Variants in P3H3 observed in about 807,000 individuals in gnomAD.
The protein encoded by P3H3 is prolyl 3-hydroxylase 3.
P3H3 carries 64 observed loss-of-function variants against 78.1 expected under a neutral mutation model. The observed-to-expected ratio is 0.82, with a 90% confidence interval of 0.67 to 1.01. The LOEUF (loss-of-function observed/expected upper bound fraction) is 1.01, where lower values mean the gene tolerates loss of function less well. Ranked by LOEUF, P3H3 falls within the 50% of genes least tolerant of loss-of-function variation. The pLI, the probability that P3H3 is intolerant of heterozygous loss-of-function variation, is 0.00. For synonymous variants in P3H3, 425 were observed against 416.7 expected (o/e 1.02, Z -0.24); for missense variants, 975 against 982.2 (o/e 0.99, Z 0.10).
At chr12:6,830,805 A>G (rs1249008968) in intron 4 of P3H3, 35 bp downstream of exon 4, 22 of 1,613,250 alleles carry the variant, frequency 1.4e-5, no homozygotes, top group Non-Finnish European at 1.9e-5. Flanking sequence ...GGGAGTGAAG[A>G]TTTGCCTCTG....
At chr12:6,835,321 G>T (rs1555121943) in intron 9 of P3H3, among the ~76,000 whole-genome samples, 1 of 152,220 alleles carries the variant, frequency 6.6e-6, no homozygotes, top group Non-Finnish European at 1.5e-5. Context: ...GGTGGCTCAT[G>T]CCTGTAATCC....
chr12:6,839,539 C>T lies in P3H3; in HGVS notation c.*78C>T. The T allele has an allele frequency of 1.4e-6, 2 of 1,458,304 alleles. No homozygotes were observed. Among genetic ancestry groups the T allele is most frequent in the Middle Eastern group, 2.5e-4 (1 of 4,078 alleles). The allele number at this position is 1,458,304 out of a possible 1,614,324, so 90.3% of individuals were successfully genotyped here. ...CTTGATGCCAGGACACACAGGAAGC[C>T]CCTGTGTGACATCAGGAGCAGAACA... is the stretch of plus-strand genomic sequence containing the variant. On this transcript the variant is annotated 3_prime_UTR_variant, in exon 15 of 15. Coordinates refer to ENST00000290510, the MANE Select transcript of P3H3 (RefSeq NM_014262.5).
At position 6,830,284 on chromosome 12, in the gene P3H3, C is replaced by G; in HGVS notation, c.652-69C>G. The G allele has an allele frequency of 2.1e-6, 3 of 1,459,284 alleles. No homozygotes were observed. In the South Asian group the frequency reaches 3.7e-5, roughly 18 times the overall value. 90.4% of individuals were successfully genotyped at this position (1,459,284 alleles called of 1,614,324 possible). On this transcript the variant is annotated intron_variant, in intron 2 of 14. Transcript: ENST00000290510. Reference sequence around the variant, plus strand: ...CTTGCCCCAAATGAGACCAACACCCCTCTCCTCTCTACCTCCCAGTTTGGC... The same window carrying G: ...CTTGCCCCAAATGAGACCAACACCCGTCTCCTCTCTACCTCCCAGTTTGGC...
chr12:6,831,482 C>A lies in P3H3; in HGVS notation c.1122+130C>A. 1 of 1,298,998 alleles carries A rather than the reference C, an allele frequency of 7.7e-7. No homozygotes were observed. The highest frequency in any genetic ancestry group is 1.0e-6 in the Non-Finnish European group (1 of 955,286). 80.5% of individuals were successfully genotyped at this position (1,298,998 alleles called of 1,614,324 possible). ...TCTAGTCACCCAAAGGACTCCAAGT[C>A]CAGCATCTGACTTCCGTCTCCACTC... On this transcript the variant is annotated intron_variant, in intron 5 of 14. Coordinates refer to ENST00000290510, the MANE Select transcript of P3H3 (RefSeq NM_014262.5). This position sits in a 1 kb window ranked among gnomAD's most constrained non-coding sequence, Gnocchi z 4.6.
chr12:6,830,495 G>A lies in P3H3; in HGVS notation c.794G>A (p.Gly265Glu), dbSNP rs782224471. The A allele has an allele frequency of 1.2e-5, 19 of 1,584,572 alleles. No individual in the cohort carries two copies. The African/African-American group carries it at 1.7e-4, about 15-fold the overall frequency. ...TGTGAGGGGCCTGAGGAGCAGCAGG[G>A]GGCTGAAGAAGAGGAGGATGGGGCT... Reference protein sequence around the residue: ...ADCEGPEEQQGAEEEEDGAAS... With the variant: ...ADCEGPEEQQEAEEEEDGAAS... Residue 265 changes from glycine (G) to glutamate (E), a missense_variant, in exon 3 of 15, where the codon GGG becomes GAG. Gly to Glu is a moderately conservative substitution (Grantham distance 98). Coordinates refer to ENST00000290510, the MANE Select transcript of P3H3 (RefSeq NM_014262.5).
rs782572131 is a variant in P3H3 at position 6,830,786 on chromosome 12, G to T, written c.985+16G>T. 9.3e-6 allele frequency: 15 copies of T among 1,613,342 alleles called. No homozygotes were observed. The South Asian group carries it at 1.6e-4, about 18-fold the overall frequency. ...CATGCTCAGGGTCAGTTGGGGAAGG[G>T]TGGAAACGGGGAGTGAAGATTTGCC... On this transcript the variant is annotated intron_variant, in intron 4 of 14. Transcript: ENST00000290510.
At chr12:6,833,249 G>A (rs1288267020) in intron 6 of P3H3, among the ~76,000 whole-genome samples, 1 of 152,194 alleles carries the variant, frequency 6.6e-6, no homozygotes, top group East Asian at 1.9e-4. Context: ...TCTTGAGCAT[G>A]TTACTTTACT....
In P3H3 at chr12:6,839,619, C is replaced by T. The variant is rs1263857559; in HGVS notation, c.*158C>T. 2.1e-6 allele frequency: 2 copies of T among 956,540 alleles called. No individual in the cohort carries two copies. Among genetic ancestry groups the T allele is most frequent in the African/African-American group, 1.7e-5 (1 of 60,462 alleles). The allele number at this position is 956,540 out of a possible 1,614,324, so 59.3% of individuals were successfully genotyped here. On this transcript the variant is annotated 3_prime_UTR_variant, in exon 15 of 15. Transcript: ENST00000290510. ...TCTTGGGGACCTACAAGGGCCTGGA[C>T]TCAGAGGACAGTGCACAGGCTAGCC...
At chr12:6,834,151 A>T (rs1012897719) in intron 9 of P3H3, 102 bp downstream of exon 9, 1 of 1,539,674 alleles carries the variant, frequency 6.5e-7, no homozygotes, top group African/African-American at 1.4e-5. Context: ...TGTCCTGATT[A>T]TCCAACCGGG....
chr12:6,834,085 A>G (rs781857626), intron 9 of P3H3, 36 bp downstream of exon 9: 1 of 1,609,994 alleles, frequency 6.2e-7, no homozygotes, highest in Non-Finnish European at 8.5e-7. Context: ...CTCGTTCAAG[A>G]CTCTTGGATA....
rs1009040323 is a variant in P3H3 at position 6,837,330 on chromosome 12, G to C, written c.1561-93G>C. Reference sequence around the variant, plus strand: ...GGATGCTGACAGACTCCAAACCCATGGGTGGAGAGCGGCAGAGTTGGGCAG... The same window carrying C: ...GGATGCTGACAGACTCCAAACCCATCGGTGGAGAGCGGCAGAGTTGGGCAG... On this transcript the variant is annotated intron_variant, in intron 10 of 14. Transcript: ENST00000290510. The C allele has an allele frequency of 9.1e-5, 137 of 1,500,948 alleles. No individual in the cohort carries two copies. In the East Asian group the frequency reaches 3.2e-3, roughly 35 times the overall value. The allele number at this position is 1,500,948 out of a possible 1,614,324, so 93.0% of individuals were successfully genotyped here.
At position 6,839,024 on chromosome 12, in the gene P3H3, C is replaced by T. The variant is rs782816168; in HGVS notation, c.1930C>T (p.Arg644Cys). 5 of 1,607,992 alleles carry T rather than the reference C, an allele frequency of 3.1e-6. No individual in the cohort carries two copies. The highest frequency in any genetic ancestry group is 1.1e-5 in the South Asian group (1 of 90,396). Reference sequence around the variant, plus strand: ...GGCTCGGGTGCGTCCTCGCTGTGGGCGCCTTGTGGCCTTCAGCTCCGGTGT... The same window carrying T: ...GGCTCGGGTGCGTCCTCGCTGTGGGTGCCTTGTGGCCTTCAGCTCCGGTGT... ...VTARVRPRCG[R>C]LVAFSSGVEN... The change falls in exon 14 of 15, where the codon CGC (arginine) becomes TGC (cysteine). Residue 644 changes from arginine to cysteine, a missense_variant. Arg to Cys is a radical substitution (Grantham distance 180, BLOSUM62 -3). Transcript: ENST00000290510.
intron 9 of P3H3, among the ~76,000 whole-genome samples, chr12:6,836,634 C>G (rs1001117334): frequency 6.6e-6 from 1 of 152,178 alleles, no homozygotes; most frequent in Non-Finnish European, 1.5e-5. Flanking sequence ...CTTGGCTCAT[C>G]GGGGATTAAT....
intron 9 of P3H3, 76 bp downstream of exon 9, chr12:6,834,125 C>CCCCATTCATTCTGCCTGT (rs1943474748): frequency 1.5e-5 from 24 of 1,588,372 alleles, no homozygotes; most frequent in Non-Finnish European, 2.1e-5. Context: ...TCTTGGCCTG[C>CCCCATTCATTCTGCCTGT]CCCCTTCATT....
chr12:6,830,994 T>C (rs1555121339), intron 4 of P3H3: 3 of 830,892 alleles, frequency 3.6e-6, no homozygotes, highest in South Asian at 2.8e-5. Flanking sequence ...CCTTCCTTTA[T>C]TTTCCCCCCT....
intron 13 of P3H3, 111 bp from the exon 14 acceptor site, chr12:6,838,889 C>A: frequency 2.3e-6 from 2 of 883,886 alleles, no homozygotes; most frequent in South Asian, 2.4e-5. Context: ...GAAGTGGTAG[C>A]GAGAGAGCTG....
In P3H3 at chr12:6,828,671, CG is replaced by C; in HGVS notation, c.235del (p.Ala79ArgfsTer47). ...CGCTGGGCCGGGTGCGGCTGGATTG[CG>C]GGGCGAGCTGCGCGGCCGATCCGGG... is the stretch of plus-strand genomic sequence containing the variant. ...AALGRVRLDC[G>X]ASCAADPGAA... On this transcript the variant is annotated frameshift_variant, in exon 1 of 15. Transcript: ENST00000290510. LOFTEE classifies it high-confidence loss of function. 1 of 1,235,664 alleles carries C rather than the reference CG, an allele frequency of 8.1e-7. No individual in the cohort carries two copies. Among genetic ancestry groups the C allele is most frequent in the South Asian group, 3.4e-5 (1 of 29,792 alleles). 76.5% of individuals were successfully genotyped at this position (1,235,664 alleles called of 1,614,324 possible).
rs1241381560 is a variant in P3H3 at position 6,828,612 on chromosome 12, G to A, written c.172G>A (p.Ala58Thr). ...GGCCGGGGCTTGGGCGCCGGCCGTG[G>A]CGCTGCTGCGGGAGGCGCTGCGGAG... Reference protein sequence around the residue: ...YAAGAWAPAVALLREALRSQA... With the variant: ...YAAGAWAPAVTLLREALRSQA... Residue 58 changes from alanine to threonine, a missense_variant, in exon 1 of 15, where the codon GCG (alanine) becomes ACG (threonine). Transcript: ENST00000290510. 5 of 1,217,820 alleles carry A rather than the reference G, an allele frequency of 4.1e-6. 1 individual carries two copies. The highest frequency in any genetic ancestry group is 5.1e-6 in the Non-Finnish European group (5 of 979,388). The allele number at this position is 1,217,820 out of a possible 1,614,324, so 75.4% of individuals were successfully genotyped here. A position where few individuals can be genotyped will look rare whatever the true frequency, so the allele number is the denominator to read the frequency against.
Position 6,837,532 on chromosome 12 carries a change from A to G in P3H3, c.1670A>G (p.His557Arg), listed in dbSNP as rs1489684607. Residue 557 changes from histidine (H) to arginine (R), a missense_variant, in exon 11 of 15, where the codon CAT (histidine) becomes CGT (arginine). His to Arg is a conservative substitution (Grantham distance 29). Transcript: ENST00000290510. ...TACTTCTCCCCGGAACGGCCCCTGC[A>G]TCTGTCCTTCACCCACCTGGTGTGC... ...QAYFSPERPL[H>R]LSFTHLVCRS... 6 of 1,612,370 alleles carry G rather than the reference A, an allele frequency of 3.7e-6. No homozygotes were observed. Among genetic ancestry groups the G allele is most frequent in the African/African-American group, 1.3e-5 (1 of 74,858 alleles).
Sources: allele counts gnomAD v4.1 joint callset (sites outside exome capture counted in the v4.1 genomes callset), GRCh38; gene constraint gnomAD v4.1.1; non-coding constraint Gnocchi (gnomAD v3.1); transcripts MANE v1.5; gene names NCBI Gene and HGNC (gene_info 2026-07-23, HGNC 2026-07-21).